DDX60L: variants seen among roughly 807,000 people sequenced by gnomAD.
The protein encoded by DDX60L is DExD/H-box 60 like.
Under a neutral mutation model 211.6 loss-of-function variants are expected in DDX60L, and 191 were observed. That is an observed-to-expected ratio of 0.90 (90% CI 0.80 to 1.02). The LOEUF (loss-of-function observed/expected upper bound fraction) is 1.02. DDX60L is among the 50% of genes least tolerant of loss of function. The probability of loss-of-function intolerance (pLI) is 0.00; values close to 1 mark genes in which losing one functional copy is unlikely to be tolerated. For missense variants in DDX60L, 2,007 were observed against 1,984.1 expected (o/e 1.01, Z -0.22); for synonymous variants, 706 against 694.1 (o/e 1.02, Z -0.27).
At position 168,433,031 on chromosome 4, in the gene DDX60L, TTCA is replaced by T. The variant is rs1169405568; in HGVS notation, c.1376_1378del (p.Met459del). On this transcript the variant is annotated inframe_deletion, in exon 11 of 38. Transcript: ENST00000682922. ...GTACCTCTTTAGAATAGGCAAATCC[TTCA>T]TCATATCTCCAACAAACTCATCAAT... 1.9e-6 allele frequency: 3 copies of T among 1,608,094 alleles called. No individual in the cohort carries two copies. The highest frequency in any genetic ancestry group is 2.5e-6 in the Non-Finnish European group (3 of 1,176,838).
intron 30 of DDX60L, among the ~76,000 whole-genome samples, chr4:168,382,260 A>T (rs531049408): frequency 4.3e-4 from 65 of 152,358 alleles, no homozygotes; most frequent in African/African-American, 1.4e-3. Flanking sequence ...AGTTCAACAT[A>T]ACTGCATCCA....
At chr4:168,443,572 T>C (rs931237258) in intron 9 of DDX60L, among the ~76,000 whole-genome samples, 4 of 151,894 alleles carry the variant, frequency 2.6e-5, no homozygotes, top group African/African-American at 7.3e-5. Flanking sequence ...AGACACATAA[T>C]TGTCAGATTC....
Position 168,472,499 on chromosome 4 carries a change from G to GA in DDX60L, c.29dup (p.Arg11GlnfsTer10). The GA allele has an allele frequency of 6.3e-7, 1 of 1,577,748 alleles. No homozygotes were observed. The highest frequency in any genetic ancestry group is 8.6e-7 in the Non-Finnish European group (1 of 1,160,260). ...TCAAAATTAACTGTGTCATTTCCCT[G>GA]AAAAATACTGCATGATCCTTTGACC... On this transcript the variant is annotated frameshift_variant, in exon 3 of 38. Coordinates refer to ENST00000682922, the MANE Select transcript of DDX60L (RefSeq NM_001012967.3). LOFTEE classifies it high-confidence loss of function.
intron 9 of DDX60L, among the ~76,000 whole-genome samples, chr4:168,448,019 A>G (rs947679185): frequency 5.3e-5 from 8 of 151,944 alleles, no homozygotes; most frequent in African/African-American, 1.9e-4. Context: ...CCTAAAACTT[A>G]AAGTATAATA....
intron 4 of DDX60L, among the ~76,000 whole-genome samples, chr4:168,465,769 G>A (rs1054072892): frequency 1.3e-5 from 2 of 152,018 alleles, no homozygotes; most frequent in African/African-American, 2.4e-5. Context: ...CCCAGTGAAC[G>A]TTCTTGATAT....
rs1325420438 is a variant in DDX60L at position 168,357,602 on chromosome 4, C to A, written c.*545G>T. On this transcript the variant is annotated 3_prime_UTR_variant, in exon 38 of 38. Coordinates refer to ENST00000682922, the MANE Select transcript of DDX60L (RefSeq NM_001012967.3). ...CTCATGACCTATCATCTCCTAATAC[C>A]ATCACATTGAGGGTTAGAATTTCAA... 2 of 154,016 alleles carry A rather than the reference C, an allele frequency of 1.3e-5. No homozygotes were observed. The highest frequency in any genetic ancestry group is 2.4e-5 in the African/African-American group (1 of 41,436). 9.5% of individuals were successfully genotyped at this position (154,016 alleles called of 1,614,324 possible).
intron 22 of DDX60L, among the ~76,000 whole-genome samples, chr4:168,408,233 G>A (rs1748096249): frequency 6.6e-6 from 1 of 152,130 alleles, no homozygotes; most frequent in African/African-American, 2.4e-5. Context: ...CTTCCTTTAT[G>A]AATGCCTTGG....
chr4:168,378,592 T>C (rs1010536879), intron 32 of DDX60L, 117 bp from the exon 33 acceptor site: 5 of 677,252 alleles, frequency 7.4e-6, no homozygotes, highest in African/African-American at 3.7e-5. Flanking sequence ...TTCTAGCAAA[T>C]ATATACCTCA....
At chr4:168,422,501 A>C in intron 16 of DDX60L, 23 bp downstream of exon 16, 1 of 1,592,926 alleles carries the variant, frequency 6.3e-7, no homozygotes, top group Non-Finnish European at 8.5e-7. Flanking sequence ...TGATTAGAAA[A>C]GTACAATGTT....
At chr4:168,450,924 G>A (rs1250730450) in intron 8 of DDX60L, among the ~76,000 whole-genome samples, 1 of 151,922 alleles carries the variant, frequency 6.6e-6, no homozygotes, top group East Asian at 1.9e-4. Flanking sequence ...TAATAATAAT[G>A]ACAACAATAA....
chr4:168,474,306 A>T (rs1759204619), intron 1 of DDX60L, among the ~76,000 whole-genome samples: 1 of 152,202 alleles, frequency 6.6e-6, no homozygotes, highest in Non-Finnish European at 1.5e-5. Context: ...AGCCTAAAAC[A>T]GCTTTTTTAT....
intron 9 of DDX60L, among the ~76,000 whole-genome samples, chr4:168,446,382 G>A (rs888628831): frequency 1.6e-4 from 24 of 152,096 alleles, no homozygotes; most frequent in African/African-American, 5.6e-4. Flanking sequence ...AATCAAAGAG[G>A]ATACAAACAA....
intron 36 of DDX60L, among the ~76,000 whole-genome samples, chr4:168,367,179 T>G (rs1247226752): frequency 1.4e-5 from 1 of 71,596 alleles, no homozygotes; most frequent in African/African-American, 3.2e-5. Context: ...CCTGAAACTA[T>G]GAAACAATAT....
Position 168,456,155 on chromosome 4 carries a change from A to G in DDX60L, c.724-3T>C, listed in dbSNP as rs369441680. 1.9e-5 allele frequency: 29 copies of G among 1,518,194 alleles called. No homozygotes were observed. The highest frequency in any genetic ancestry group is 2.6e-5 in the Non-Finnish European group (29 of 1,136,156). The allele number at this position is 1,518,194 out of a possible 1,614,324, so 94.0% of individuals were successfully genotyped here. On this transcript the variant is annotated splice_polypyrimidine_tract_variant and splice_region_variant and intron_variant, in intron 6 of 37. Coordinates refer to ENST00000682922, the MANE Select transcript of DDX60L (RefSeq NM_001012967.3). ...AGCAGAAATAGAGTCTGATACGCCT[A>G]TCAAAAAAGAAATTTCTTCAAATGT...
In DDX60L at chr4:168,421,746, C is replaced by A; in HGVS notation, c.2394+14G>T. On this transcript the variant is annotated intron_variant, in intron 17 of 37. Transcript: ENST00000682922. ...CAGGAACAAAAGCAAAAATGAAAGT[C>A]ATTCAAACACTACCTTTGCGGGTGC... 6.2e-7 allele frequency: 1 copy of A among 1,613,132 alleles called. No homozygotes were observed.
chr4:168,470,842 A>C (rs1758667267), intron 4 of DDX60L: 1 of 272,726 alleles, frequency 3.7e-6, no homozygotes, highest in Admixed American at 5.0e-5. Flanking sequence ...CTCCATCTAA[A>C]AAAAAAAAAA....
chr4:168,368,256 C>T (rs1055780827), intron 36 of DDX60L, among the ~76,000 whole-genome samples: 15 of 152,186 alleles, frequency 9.9e-5, no homozygotes, highest in Non-Finnish European at 1.9e-4. Context: ...GGACTTTGTG[C>T]CCTGCATCCC....
chr4:168,374,714 G>A (rs1741636130), intron 34 of DDX60L, among the ~76,000 whole-genome samples: 1 of 152,218 alleles, frequency 6.6e-6, no homozygotes, highest in South Asian at 2.1e-4. Context: ...AATTTAAATA[G>A]TGACACGTAG....
intron 28 of DDX60L, among the ~76,000 whole-genome samples, chr4:168,392,602 G>T (rs750607215): frequency 6.6e-6 from 1 of 152,092 alleles, no homozygotes; most frequent in African/African-American, 2.4e-5. Context: ...TCAGCACTTT[G>T]GGAGGCCAAG....
Sources: allele counts gnomAD v4.1 joint callset (sites outside exome capture counted in the v4.1 genomes callset), GRCh38; gene constraint gnomAD v4.1.1; transcripts MANE v1.5; gene names NCBI Gene and HGNC (gene_info 2026-07-23, HGNC 2026-07-21).